The following HS6ST1 variants were observed in gnomAD, a reference collection of about 807,000 sequenced individuals.
The protein encoded by HS6ST1 is heparan-sulfate 6-O-sulfotransferase 1.
Under a neutral mutation model 25.2 loss-of-function variants are expected in HS6ST1, and 3 were observed. That is an observed-to-expected ratio of 0.12 (90% CI 0.05 to 0.31). HS6ST1 has a LOEUF of 0.31. Ranked by LOEUF, HS6ST1 falls within the 10% of genes least tolerant of loss-of-function variation. The pLI, the probability that HS6ST1 is intolerant of heterozygous loss-of-function variation, is 1.00. For missense variants in HS6ST1, 310 were observed against 609.6 expected (o/e 0.51, Z 5.18); for synonymous variants, 204 against 275.1 (o/e 0.74, Z 2.56).
At chr2:128,307,984 TC>T (rs1281935331) in intron 1 of HS6ST1, among the ~76,000 whole-genome samples, 3 of 152,180 alleles carry the variant, frequency 2.0e-5, no homozygotes, top group African/African-American at 7.2e-5. Flanking sequence ...AACACGCATG[TC>T]AGGGACCAAC....
intron 1 of HS6ST1, among the ~76,000 whole-genome samples, chr2:128,294,681 T>C (rs1270844708): frequency 8.3e-6 from 1 of 120,056 alleles, no homozygotes; most frequent in Non-Finnish European, 1.8e-5. Flanking sequence ...CGTGTGTGTG[T>C]GTGTGTGTGT....
At chr2:128,306,803 C>T (rs2104934353) in intron 1 of HS6ST1, among the ~76,000 whole-genome samples, 1 of 152,272 alleles carries the variant, frequency 6.6e-6, no homozygotes, top group Non-Finnish European at 1.5e-5. Flanking sequence ...AGCAGTGCCC[C>T]ACAGGGACAG....
At chr2:128,268,916 A>AG (rs765255772) in intron 1 of HS6ST1, 46 bp from the exon 2 acceptor site, 3 of 1,524,188 alleles carry the variant, frequency 2.0e-6, no homozygotes, top group South Asian at 2.2e-5. Flanking sequence ...ACGCAGCATG[A>AG]GGGGGGCTAC....
Position 128,285,890 on chromosome 2 carries a change from C to T in HS6ST1, c.528-17020G>A, listed in dbSNP as rs544485383. On this transcript the variant is annotated intron_variant, in intron 1 of 1. Coordinates refer to ENST00000259241, the MANE Select transcript of HS6ST1 (RefSeq NM_004807.3). ...CCGTCTGCCCCAAAATAGCTCTGTC[C>T]GGCAAGGGGGCTGAGGAATTGGATG... Among the ~76,000 whole-genome samples, 11 of 152,298 alleles carry T rather than the reference C, an allele frequency of 7.2e-5. No individual in the cohort carries two copies. The East Asian group carries it at 1.9e-3, about 27-fold the overall frequency.
intron 1 of HS6ST1, among the ~76,000 whole-genome samples, chr2:128,305,802 A>G (rs1694199829): frequency 6.6e-6 from 1 of 152,184 alleles, no homozygotes; most frequent in Non-Finnish European, 1.5e-5. Flanking sequence ...CTGGACCTTG[A>G]GGAGGGTGGG....
At chr2:128,317,202 G>GC (rs1694384383) in intron 1 of HS6ST1, among the ~76,000 whole-genome samples, 1 of 152,222 alleles carries the variant, frequency 6.6e-6, no homozygotes, top group Non-Finnish European at 1.5e-5. Context: ...CAGAAGAGCT[G>GC]CCCCGGCACC....
chr2:128,315,748 C>T (rs149405238), intron 1 of HS6ST1, among the ~76,000 whole-genome samples: 2 of 152,178 alleles, frequency 1.3e-5, no homozygotes, highest in Non-Finnish European at 2.9e-5. Flanking sequence ...GGCGGGGCAG[C>T]GCTCAGCAGG....
chr2:128,284,273 A>G (rs1693828024), intron 1 of HS6ST1, among the ~76,000 whole-genome samples: 1 of 152,096 alleles, frequency 6.6e-6, no homozygotes, highest in South Asian at 2.1e-4. Flanking sequence ...TTGCCAACAC[A>G]GGCACCTGGT....
chr2:128,288,496 T>C (rs190540272), intron 1 of HS6ST1, among the ~76,000 whole-genome samples: 7 of 152,156 alleles, frequency 4.6e-5, no homozygotes, highest in Admixed American at 3.9e-4. Flanking sequence ...GTGTGCACAA[T>C]GGGCAAAAGA....
At chr2:128,271,998 C>A (rs115871422) in intron 1 of HS6ST1, among the ~76,000 whole-genome samples, 2,479 of 152,322 alleles carry the variant, frequency 0.016, 55 homozygotes, top group African/African-American at 0.05. Context: ...ATACCCAGGT[C>A]CCCTGGGCGT....
At chr2:128,309,278 A>T (rs1174172579) in intron 1 of HS6ST1, among the ~76,000 whole-genome samples, 2 of 152,202 alleles carry the variant, frequency 1.3e-5, no homozygotes, top group Non-Finnish European at 2.9e-5. Flanking sequence ...CTCATCTCCT[A>T]CCACTCCGTG....
chr2:128,272,577 G>A (rs1310810472), intron 1 of HS6ST1, among the ~76,000 whole-genome samples: 2 of 152,146 alleles, frequency 1.3e-5, no homozygotes, highest in Non-Finnish European at 2.9e-5. Context: ...GGGAACAAAG[G>A]CCTCTCTGCC....
chr2:128,268,282 C>A lies in HS6ST1; in HGVS notation c.1116G>T (p.Leu372=). 1 of 1,612,748 alleles carries A rather than the reference C, an allele frequency of 6.2e-7. No homozygotes were observed. Among genetic ancestry groups the A allele is most frequent in the Non-Finnish European group, 8.5e-7 (1 of 1,179,782 alleles). The change falls in exon 2 of 2, where the codon CTG becomes CTT. Residue 372 remains leucine, a synonymous_variant. Transcript: ENST00000259241. ...KRQLERREQR[L]RSREERLLHR... Reference sequence around the variant, plus strand: ...GCAGCAGACGCTCCTCGCGGCTCCTCAGGCGCTGCTCCCTGCGCTCCAGCT... The same window carrying A: ...GCAGCAGACGCTCCTCGCGGCTCCTAAGGCGCTGCTCCCTGCGCTCCAGCT...
At chr2:128,282,309 T>C (rs1693800756) in intron 1 of HS6ST1, among the ~76,000 whole-genome samples, 2 of 152,344 alleles carry the variant, frequency 1.3e-5, no homozygotes, top group Admixed American at 1.3e-4. Context: ...AAACTGCGGC[T>C]GTCCAGCAGC....
At position 128,268,208 on chromosome 2, in the gene HS6ST1, C is replaced by T. The variant is rs550230520; in HGVS notation, c.1190G>A (p.Arg397His). ...GCTCATGTAGTCCTCGGTGGGCACG[C>T]GGCCCGGCTCGTCGGCATCCTCCCG... ...LPREDADEPG[R>H]VPTEDYMSHI... Residue 397 changes from arginine (R) to histidine (H), a missense_variant, in exon 2 of 2, where the codon CGC (arginine) becomes CAC (histidine). Physicochemically the swap from Arg to His is conservative, Grantham distance 29 (BLOSUM62 0). This residue lies in a region of HS6ST1 where 140 missense variants were observed against 176.5 expected (regional missense o/e 0.79). Transcript: ENST00000259241. 18 of 1,609,846 alleles carry T rather than the reference C, an allele frequency of 1.1e-5. No homozygotes were observed. Among genetic ancestry groups the T allele is most frequent in the Middle Eastern group, 2.1e-4 (1 of 4,832 alleles).
At position 128,289,320 on chromosome 2, in the gene HS6ST1, T is replaced by C. The variant is rs112937110; in HGVS notation, c.528-20450A>G. 2.6e-5 allele frequency among the ~76,000 whole-genome samples: 4 copies of C among 152,314 alleles called. 1 individual carries two copies. The highest frequency in any genetic ancestry group is 9.6e-5 in the African/African-American group (4 of 41,578). ...TATGGCCCCCCATCAAGCACTTCTGTGGTTGGTGCCTCCAAAAAAGGTTAG... is the reference window on the plus strand; with the variant it reads ...TATGGCCCCCCATCAAGCACTTCTGCGGTTGGTGCCTCCAAAAAAGGTTAG... On this transcript the variant is annotated intron_variant, in intron 1 of 1. Transcript: ENST00000259241.
Position 128,268,263 on chromosome 2 carries a change from G to A in HS6ST1, c.1135C>T (p.Leu379=), listed in dbSNP as rs776478890. The A allele has an allele frequency of 7.4e-6, 12 of 1,611,976 alleles. No individual in the cohort carries two copies. The East Asian group carries it at 1.3e-4, about 18-fold the overall frequency. Reference sequence around the variant, plus strand: ...AGTGCCTCCTTGGCCCGGTGCAGCAGACGCTCCTCGCGGCTCCTCAGGCGC... The same window carrying A: ...AGTGCCTCCTTGGCCCGGTGCAGCAAACGCTCCTCGCGGCTCCTCAGGCGC... The part of the protein sequence containing the change: ...EQRLRSREER[L]LHRAKEALPR... The change falls in exon 2 of 2, where the codon CTG becomes TTG. Residue 379 remains leucine, a synonymous_variant. Transcript: ENST00000259241.
intron 1 of HS6ST1, among the ~76,000 whole-genome samples, chr2:128,306,915 T>C (rs1164766227): frequency 6.6e-6 from 1 of 151,314 alleles, no homozygotes; most frequent in Non-Finnish European, 1.5e-5. Flanking sequence ...GTCACTGTCA[T>C]GGGGGGAGGC....
chr2:128,279,496 C>T (rs1306370763), intron 1 of HS6ST1, among the ~76,000 whole-genome samples: 1 of 152,118 alleles, frequency 6.6e-6, no homozygotes, highest in Non-Finnish European at 1.5e-5. Context: ...AGGACAAGGA[C>T]ATGGCGTGGT....
Sources: gnomAD v4.1 joint callset for allele counts (sites outside exome capture counted in the v4.1 genomes callset) on GRCh38, gnomAD v4.1.1 for gene constraint, gnomAD v4.1.1 regional missense constraint, MANE v1.5 for transcripts, NCBI Gene and HGNC (gene_info 2026-07-23, HGNC 2026-07-21) for gene names.